PLK1: variants seen among roughly 807,000 people sequenced by gnomAD.
PLK1 encodes the protein serine/threonine-protein kinase PLK1.
Under a neutral mutation model 56.7 loss-of-function variants are expected in PLK1, and 6 were observed. The observed-to-expected ratio is 0.11, with a 90% confidence interval of 0.06 to 0.21. PLK1 has a LOEUF of 0.21. Among genes scored for constraint, PLK1 ranks in the 10% least tolerant of loss-of-function variants. The pLI is 1.00. For synonymous variants in PLK1, 298 were observed against 325.0 expected (o/e 0.92, Z 0.89); for missense variants, 546 against 814.4 (o/e 0.67, Z 4.01).
rs1959384498 is a variant in PLK1 at position 23,684,052 on chromosome 16, C to G, written c.999C>G (p.Asp333Glu). 11 of 1,614,152 alleles carry G rather than the reference C, an allele frequency of 6.8e-6. No individual in the cohort carries two copies. The highest frequency in any genetic ancestry group is 9.3e-6 in the Non-Finnish European group (11 of 1,180,016). The stretch of plus-strand genomic sequence containing the variant: ...TTTCGATTGCTCCCAGCAGCCTGGA[C>G]CCCAGCAACCGGAAGCCCCTCACAG... Reference protein sequence around the residue: ...PRFSIAPSSLDPSNRKPLTVL... With the variant: ...PRFSIAPSSLEPSNRKPLTVL... The change falls in exon 5 of 10, where the codon GAC (aspartate) becomes GAG (glutamate). Residue 333 changes from aspartate (D) to glutamate (E), a missense_variant. Asp to Glu is a conservative substitution (Grantham distance 45). Coordinates refer to ENST00000300093, the MANE Select transcript of PLK1 (RefSeq NM_005030.6).
Position 23,689,411 on chromosome 16 carries a change from A to G in PLK1, c.1425+19A>G, listed in dbSNP as rs773652874. 7 of 1,603,264 alleles carry G rather than the reference A, an allele frequency of 4.4e-6. No individual in the cohort carries two copies. Among genetic ancestry groups the G allele is most frequent in the Non-Finnish European group, 5.1e-6 (6 of 1,170,906 alleles). On this transcript the variant is annotated intron_variant, in intron 8 of 9. Transcript: ENST00000300093. The surrounding 1 kb of genome is among the most constrained non-coding windows in gnomAD (Gnocchi z 4.8). ...GAAGAAGGTGAGTGCCGTCCGGCCC[A>G]TGGGGGGTGGTGTTGCAGAAGTGGG...
At chr16:23,688,276 A>G (rs1350515336) in intron 6 of PLK1, among the ~76,000 whole-genome samples, 2 of 152,228 alleles carry the variant, frequency 1.3e-5, no homozygotes, top group African/African-American at 4.8e-5. Context: ...GAAGTCACTG[A>G]TATTTTGCCC....
chr16:23,683,021 C>T (rs953945795), intron 4 of PLK1, among the ~76,000 whole-genome samples: 2 of 123,982 alleles, frequency 1.6e-5, no homozygotes, highest in African/African-American at 3.0e-5. Context: ...GATGGAGTCT[C>T]GCTCTGTCGC....
chr16:23,688,521 G>T lies in PLK1; in HGVS notation c.1193-147G>T, dbSNP rs1467502448. On this transcript the variant is annotated intron_variant, in intron 6 of 9. Coordinates refer to ENST00000300093, the MANE Select transcript of PLK1 (RefSeq NM_005030.6). The stretch of plus-strand genomic sequence containing the variant: ...CTGCTGGCAGCAGAGGCCCTGCTTT[G>T]CTCTTCTCTGGGGCCCTAGGCCTCT... The T allele has an allele frequency of 1.3e-5, 9 of 671,450 alleles. No homozygotes were observed. The Admixed American group carries it at 2.2e-4, about 17-fold the overall frequency. 41.6% of individuals were successfully genotyped at this position (671,450 alleles called of 1,614,324 possible).
chr16:23,690,201 A>C lies in PLK1; in HGVS notation c.*138A>C. On this transcript the variant is annotated 3_prime_UTR_variant, in exon 10 of 10. Coordinates refer to ENST00000300093, the MANE Select transcript of PLK1 (RefSeq NM_005030.6). ...CTGGGCAGAGCTGCATCATCCTTGC[A>C]GGTGGGGGTTGCTGTATAAGTTATT... is the stretch of plus-strand genomic sequence containing the variant. The C allele has an allele frequency of 1.4e-6, 1 of 694,296 alleles. No individual in the cohort carries two copies. 43.0% of individuals were successfully genotyped at this position (694,296 alleles called of 1,614,324 possible).
Position 23,687,542 on chromosome 16 carries a change from C to T in PLK1, c.1110C>T (p.Val370=), listed in dbSNP as rs143460301. The T allele has an allele frequency of 9.9e-5, 159 of 1,603,346 alleles. 1 individual carries two copies. The African/African-American group carries it at 1.8e-3, about 18-fold the overall frequency. The part of the protein sequence containing the change: ...EPVVRETGEV[V]DCHLSDMLQQ... ...TGGTTCGAGAGACAGGTGAGGTGGT[C>T]GACTGCCACCTCAGTGACATGCTGC... is the stretch of plus-strand genomic sequence containing the variant. Residue 370 remains valine (V), a synonymous_variant, in exon 6 of 10, where the codon GTC becomes GTT. Transcript: ENST00000300093.
downstream of PLK1, chr16:23,690,367 C>CT: frequency 2.0e-6 from 1 of 507,480 alleles, no homozygotes; most frequent in South Asian, 2.4e-5. Context: ...TGTGAATATT[C>CT]TTTTTCTTGT....
rs547185393 is a variant in PLK1 at position 23,689,806 on chromosome 16, C to A, written c.1609-54C>A. 5.6e-5 allele frequency: 88 copies of A among 1,558,534 alleles called. No individual in the cohort carries two copies. In the East Asian group the frequency reaches 1.7e-3, roughly 30 times the overall value. On this transcript the variant is annotated intron_variant, in intron 9 of 9. Coordinates refer to ENST00000300093, the MANE Select transcript of PLK1 (RefSeq NM_005030.6). The surrounding 1 kb of genome is among the most constrained non-coding windows in gnomAD (Gnocchi z 4.8). ...AACCTGTTGTGTCTTCCCTCTACTCCCTAACATACACTGGCCTCTGGGATC... is the reference window on the plus strand; with the variant it reads ...AACCTGTTGTGTCTTCCCTCTACTCACTAACATACACTGGCCTCTGGGATC...
At chr16:23,685,700 T>A (rs1363913934) in intron 5 of PLK1, among the ~76,000 whole-genome samples, 1 of 149,768 alleles carries the variant, frequency 6.7e-6, no homozygotes, top group East Asian at 2.0e-4. Context: ...AGAGCGAGAC[T>A]CTGTCTCAAA....
At chr16:23,688,315 A>C (rs1241905319) in intron 6 of PLK1, among the ~76,000 whole-genome samples, 1 of 152,238 alleles carries the variant, frequency 6.6e-6, no homozygotes, top group South Asian at 2.1e-4. Context: ...CTTTGCCCCT[A>C]CAACCACAGT....
At chr16:23,682,306 C>T in intron 4 of PLK1, 149 bp downstream of exon 4, 1 of 580,128 alleles carries the variant, frequency 1.7e-6, no homozygotes, top group East Asian at 2.8e-5. Context: ...AAATTGCATA[C>T]AGAACTTGAC....
chr16:23,681,367 C>T (rs973555132), intron 3 of PLK1, among the ~76,000 whole-genome samples: 2 of 152,202 alleles, frequency 1.3e-5, no homozygotes, highest in African/African-American at 4.8e-5. Flanking sequence ...AACTTGTATA[C>T]ACAATCTCAG....
chr16:23,678,896 C>T lies in PLK1; in HGVS notation c.-37C>T, dbSNP rs548618475. The T allele has an allele frequency of 8.9e-6, 13 of 1,456,346 alleles. No homozygotes were observed. In the African/African-American group the frequency reaches 1.3e-4, roughly 14 times the overall value. 90.2% of individuals were successfully genotyped at this position (1,456,346 alleles called of 1,614,324 possible). A position where few individuals can be genotyped will look rare whatever the true frequency, so the allele number is the denominator to read the frequency against. On this transcript the variant is annotated 5_prime_UTR_variant, in exon 1 of 10. Transcript: ENST00000300093. ...GGAGGAGCGGAGCGGTGCGGAGGCT[C>T]TGCTCGGATCGAGGTCTGCAGCGCA... is the stretch of plus-strand genomic sequence containing the variant.
intron 4 of PLK1, among the ~76,000 whole-genome samples, chr16:23,683,504 C>T (rs1342161695): frequency 6.6e-6 from 1 of 152,160 alleles, no homozygotes; most frequent in Non-Finnish European, 1.5e-5. Flanking sequence ...AAGGCCTTCA[C>T]CCTCTCTGTG....
chr16:23,680,803 T>C (rs1490263927), intron 2 of PLK1, 111 bp from the exon 3 acceptor site: 8 of 1,019,500 alleles, frequency 7.8e-6, no homozygotes, highest in Non-Finnish European at 1.0e-5. Flanking sequence ...AGCAGAGGCT[T>C]GTGGGATCAG....
intron 1 of PLK1, 53 bp from the exon 2 acceptor site, chr16:23,680,031 A>T: frequency 7.5e-7 from 1 of 1,333,010 alleles, no homozygotes; most frequent in South Asian, 1.2e-5. Context: ...TCCCTTCCCC[A>T]CCGGCCTCAA....
In PLK1 at chr16:23,689,700, A is replaced by G. The variant is rs754795812; in HGVS notation, c.1608+24A>G. ...AGGTGAGCTGGAGGTCACCAGGCGC[A>G]GGAGAGAGCTGGGGTAGGCTCCGCA... On this transcript the variant is annotated intron_variant, in intron 9 of 9. Transcript: ENST00000300093. This position sits in a 1 kb window ranked among gnomAD's most constrained non-coding sequence, Gnocchi z 4.8. 3 of 1,587,076 alleles carry G rather than the reference A, an allele frequency of 1.9e-6. No homozygotes were observed. In the Admixed American group the frequency reaches 5.2e-5, roughly 27 times the overall value.
At chr16:23,686,823 CTTA>C (rs946187091) in intron 5 of PLK1, among the ~76,000 whole-genome samples, 2 of 152,166 alleles carry the variant, frequency 1.3e-5, no homozygotes, top group African/African-American at 4.8e-5. Flanking sequence ...TCCCTAATAT[CTTA>C]TTATTTCATA....
intron 3 of PLK1, 29 bp downstream of exon 3, chr16:23,681,087 C>T (rs375393158): frequency 2.1e-4 from 332 of 1,604,380 alleles, no homozygotes; most frequent in Non-Finnish European, 2.7e-4. Flanking sequence ...CTGGACCAAC[C>T]TGGTCTCAGC....
Sources: allele counts gnomAD v4.1 joint callset (sites outside exome capture counted in the v4.1 genomes callset), GRCh38; gene constraint gnomAD v4.1.1; non-coding constraint Gnocchi (gnomAD v3.1); transcripts MANE v1.5; gene names NCBI Gene and HGNC (gene_info 2026-07-23, HGNC 2026-07-21).